SOD2: variants seen among roughly 807,000 people sequenced by gnomAD.
SOD2 encodes the protein superoxide dismutase 2.
Under a neutral mutation model 27.0 loss-of-function variants are expected in SOD2, and 11 were observed. That is an observed-to-expected ratio of 0.41 (90% CI 0.26 to 0.67). The LOEUF is 0.67. Among genes scored for constraint, SOD2 ranks in the 30% least tolerant of loss-of-function variants. The pLI is 0.34. For synonymous variants in SOD2, 105 were observed against 103.0 expected (o/e 1.02, Z -0.12); for missense variants, 250 against 274.5 (o/e 0.91, Z 0.63).
At chr6:159,745,335 T>C (rs1173039975), upstream of SOD2, 3 of 152,224 alleles carry the variant, frequency 2.0e-5, no homozygotes, top group Non-Finnish European at 4.4e-5. Flanking sequence ...GTTTTGATCA[T>C]ATTACGCCTG....
intron 1 of SOD2, among the ~76,000 whole-genome samples, chr6:159,733,868 A>G (rs1192194239): frequency 6.6e-6 from 1 of 152,178 alleles, no homozygotes; most frequent in East Asian, 1.9e-4. Context: ...GTGAGCCGAG[A>G]TCGCGCCGTT....
rs1779693888 is a variant in SOD2, at chr6:159,672,731, CA to C, written c.*9761del. The C allele has an allele frequency of 6.6e-6, 1 of 152,106 alleles. No homozygotes were observed. Among genetic ancestry groups the C allele is most frequent in the Admixed American group, 6.6e-5 (1 of 15,256 alleles). 9.4% of individuals were successfully genotyped at this position (152,106 alleles called of 1,614,324 possible). On this transcript the variant is annotated 3_prime_UTR_variant, in exon 5 of 5. Transcript: ENST00000538183. ...AACATCCTAGTGACAGGATCAAATTCACACATAACAATATTAACCTTAAATG... is the reference window on the plus strand; with the variant it reads ...AACATCCTAGTGACAGGATCAAATTCCACATAACAATATTAACCTTAAATG...
chr6:159,712,946 A>G (rs1583040947), intron 1 of SOD2: 2 of 613,590 alleles, frequency 3.3e-6, no homozygotes, highest in East Asian at 5.6e-5. Context: ...CCTGTGCTGC[A>G]TATTAGCTTT....
At chr6:159,751,716 T>A (rs1168493919) in intron 1 of SOD2, among the ~76,000 whole-genome samples, 1 of 152,230 alleles carries the variant, frequency 6.6e-6, no homozygotes, top group African/African-American at 2.4e-5. Context: ...ACTCTTCAGG[T>A]ATTTTCTGGA....
At chr6:159,690,332 C>T (rs1279129385) in intron 2 of SOD2, among the ~76,000 whole-genome samples, 1 of 150,718 alleles carries the variant, frequency 6.6e-6, no homozygotes, top group East Asian at 2.0e-4. Context: ...CACGGTGGCT[C>T]ACACCTGTAA....
chr6:159,689,034 C>A (rs1050423580), intron 2 of SOD2, among the ~76,000 whole-genome samples: 1 of 152,136 alleles, frequency 6.6e-6, no homozygotes, highest in Admixed American at 6.5e-5. Flanking sequence ...TGGGCCTTGC[C>A]CCCTCCAAAG....
At chr6:159,687,620 C>G (rs922238929) in intron 3 of SOD2, among the ~76,000 whole-genome samples, 11 of 152,186 alleles carry the variant, frequency 7.2e-5, no homozygotes, top group Admixed American at 2.0e-4. Context: ...CCCATGAAAG[C>G]ATTCTCCATT....
At chr6:159,688,956 T>C (rs146982205) in intron 2 of SOD2, among the ~76,000 whole-genome samples, 76 of 152,316 alleles carry the variant, frequency 5.0e-4, no homozygotes, top group Middle Eastern at 3.4e-3. Context: ...TGCCACCTCA[T>C]TGGGACAGAG....
chr6:159,726,638 G>A, intron 1 of SOD2: 1 of 507,234 alleles, frequency 2.0e-6, no homozygotes, highest in Admixed American at 3.7e-5. Context: ...CTCTTTGATT[G>A]AGTTCACTAA....
chr6:159,717,935 GTATA>G (rs146676891), intron 1 of SOD2, among the ~76,000 whole-genome samples: 4 of 150,216 alleles, frequency 2.7e-5, no homozygotes, highest in African/African-American at 9.8e-5. Flanking sequence ...GTGTATATGT[GTATA>G]TATATATACA....
chr6:159,712,244 ATCAC>A (rs1562438383), intron 1 of SOD2, among the ~76,000 whole-genome samples: 13 of 128,680 alleles, frequency 1.0e-4, no homozygotes, highest in African/African-American at 3.4e-4. Flanking sequence ...CATTGCTCTG[ATCAC>A]CCTAACCACC....
At chr6:159,743,901 T>G (rs1241319607) in intron 1 of SOD2, 1 of 1,213,178 alleles carries the variant, frequency 8.2e-7, no homozygotes, top group Non-Finnish European at 1.1e-6. Flanking sequence ...AGCTTATCTT[T>G]TATAGGTACG....
At chr6:159,706,360 A>G (rs1329581998) in intron 1 of SOD2, among the ~76,000 whole-genome samples, 1 of 152,244 alleles carries the variant, frequency 6.6e-6, no homozygotes, top group African/African-American at 2.4e-5. Context: ...AGTCTGCTGT[A>G]TTCAGGAAAC....
At chr6:159,762,000 T>G in exon 1 of SOD2, 1 of 1,489,832 alleles carries the variant, frequency 6.7e-7, no homozygotes, top group Non-Finnish European at 9.2e-7. Context: ...CTACCTCAGG[T>G]CCCGCCCGCG....
intron 1 of SOD2, among the ~76,000 whole-genome samples, chr6:159,704,599 G>A (rs1777586894): frequency 6.6e-6 from 1 of 152,212 alleles, no homozygotes; most frequent in South Asian, 2.1e-4. Context: ...CCATTGCCGA[G>A]GCTTGAGCAG....
At chr6:159,717,996 C>CTT (rs1777954976) in intron 1 of SOD2, among the ~76,000 whole-genome samples, 1 of 150,750 alleles carries the variant, frequency 6.6e-6, no homozygotes, top group South Asian at 2.1e-4. Flanking sequence ...CTCTCCTTTT[C>CTT]TCTTTCTTTC....
At chr6:159,698,306 C>CA (rs1199356713) in intron 1 of SOD2, among the ~76,000 whole-genome samples, 6 of 147,966 alleles carry the variant, frequency 4.1e-5, no homozygotes, top group South Asian at 4.3e-4. Flanking sequence ...AAAAACAAAA[C>CA]AAAAAAAACA....
At chr6:159,737,520 G>C (rs1351847368) in intron 1 of SOD2, among the ~76,000 whole-genome samples, 1 of 152,024 alleles carries the variant, frequency 6.6e-6, no homozygotes, top group Non-Finnish European at 1.5e-5. Flanking sequence ...CTGAGACAGA[G>C]TCTCACTCTG....
intron 1 of SOD2, among the ~76,000 whole-genome samples, chr6:159,720,846 CCTT>C (rs1778022290): frequency 1.6e-5 from 1 of 62,826 alleles, no homozygotes; most frequent in African/African-American, 4.7e-5. Flanking sequence ...ATTTTCTTTA[CCTT>C]TTTTTTTTTT....
Sources: gnomAD v4.1 joint callset for allele counts (sites outside exome capture counted in the v4.1 genomes callset) on GRCh38, gnomAD v4.1.1 for gene constraint, MANE v1.5 for transcripts, NCBI Gene and HGNC (gene_info 2026-07-23, HGNC 2026-07-21) for gene names.